SHISA9: variants seen among roughly 807,000 people sequenced by gnomAD.
The protein encoded by SHISA9 is protein shisa-9.
In SHISA9, 13 loss-of-function variants were observed where a neutral mutation model predicts 38.0. That is an observed-to-expected ratio of 0.34 (90% CI 0.22 to 0.54). SHISA9 has a LOEUF of 0.54. Among genes scored for constraint, SHISA9 ranks in the 20% least tolerant of loss-of-function variants. The pLI, the probability that SHISA9 is intolerant of heterozygous loss-of-function variation, is 0.91. For missense variants in SHISA9, 538 were observed against 575.8 expected (o/e 0.93, Z 0.67); for synonymous variants, 275 against 242.0 (o/e 1.14, Z -1.27).
chr16:13,398,935 A>G, the SHISA9 span, among the ~76,000 whole-genome samples: 4 of 152,154 alleles, frequency 2.6e-5, no homozygotes, highest in African/African-American at 9.7e-5. Flanking sequence ...GCAAATATCA[A>G]TTGAGTGCCA....
chr16:13,216,997 C>T (rs910373184), intron 4 of SHISA9, among the ~76,000 whole-genome samples: 2 of 151,942 alleles, frequency 1.3e-5, no homozygotes, highest in East Asian at 1.9e-4. Context: ...CTGGGCTGGG[C>T]GCGGTGGCTC....
In SHISA9 at chr16:13,091,128, C is replaced by A. The variant is rs145727934; in HGVS notation, c.692-112266C>A. ...CTTTAAGAATGTTGAATATTGGCCC[C>A]CACTCTCTTCTGGCTTGCACGGTTT... is the stretch of plus-strand genomic sequence containing the variant. On this transcript the variant is annotated intron_variant, in intron 2 of 4. Transcript: ENST00000558583. 6.1e-3 allele frequency among the ~76,000 whole-genome samples: 936 copies of A among 152,234 alleles called. 9 individuals are homozygous for A. The highest frequency in any genetic ancestry group is 0.021 in the African/African-American group (885 of 41,528).
chr16:13,396,994 G>A, the SHISA9 span, among the ~76,000 whole-genome samples: 1 of 151,942 alleles, frequency 6.6e-6, no homozygotes, highest in African/African-American at 2.4e-5. Context: ...TCCTCCTCCT[G>A]CTTATACTCC....
chr16:13,310,139 C>T, the SHISA9 span, among the ~76,000 whole-genome samples: 1 of 152,164 alleles, frequency 6.6e-6, no homozygotes, highest in African/African-American at 2.4e-5. Context: ...CCACCTGCCT[C>T]GGCCTCCCAT....
In SHISA9 at chr16:12,998,710, T is replaced by G. The variant is rs113557023; in HGVS notation, c.691+81895T>G. Among the ~76,000 whole-genome samples the G allele has an allele frequency of 7.9e-3, 1,200 of 152,278 alleles. 9 individuals are homozygous for G. The highest frequency in any genetic ancestry group is 0.024 in the Middle Eastern group (7 of 294). ...CATGCTTGACTAATTTTAATTTTAT[T>G]TATTTATTTTTTATAGAGATGAGGT... On this transcript the variant is annotated intron_variant, in intron 2 of 4. Transcript: ENST00000558583.
At chr16:13,451,620 C>A in the SHISA9 span, among the ~76,000 whole-genome samples, 4 of 152,170 alleles carry the variant, frequency 2.6e-5, no homozygotes, top group African/African-American at 9.6e-5. Flanking sequence ...ACATAAAGGG[C>A]AAGAGAGAGA....
At chr16:13,379,805 G>A in the SHISA9 span, among the ~76,000 whole-genome samples, 1 of 152,020 alleles carries the variant, frequency 6.6e-6, no homozygotes, top group Non-Finnish European at 1.5e-5. Flanking sequence ...ATGTGGTTCT[G>A]GGGATTAAAG....
intron 2 of SHISA9, among the ~76,000 whole-genome samples, chr16:13,157,897 C>T (rs2050561185): frequency 6.6e-6 from 1 of 152,212 alleles, no homozygotes; most frequent in African/African-American, 2.4e-5. Context: ...GCTCAGGAAG[C>T]CTCAGCTCCA....
chr16:13,004,258 AAAGGGAC>A (rs2072566818), intron 2 of SHISA9, among the ~76,000 whole-genome samples: 1 of 152,210 alleles, frequency 6.6e-6, no homozygotes, highest in Non-Finnish European at 1.5e-5. Context: ...GGATCCAAAA[AAAGGGAC>A]ATGATGTAGT....
At chr16:13,416,803 A>AG in the SHISA9 span, among the ~76,000 whole-genome samples, 6 of 149,576 alleles carry the variant, frequency 4.0e-5, no homozygotes, top group Non-Finnish European at 6.0e-5. Context: ...GAAGGAAGGA[A>AG]GGAAGGAAGG....
intron 2 of SHISA9, among the ~76,000 whole-genome samples, chr16:13,058,751 TTGTG>T (rs57415975): frequency 0.04 from 5,737 of 144,882 alleles, 155 homozygotes; most frequent in African/African-American, 0.066. Flanking sequence ...TGTGGTGTAT[TTGTG>T]TGTGTGTGTG....
At chr16:12,958,679 A>C (rs144079776) in intron 2 of SHISA9, among the ~76,000 whole-genome samples, 3 of 152,260 alleles carry the variant, frequency 2.0e-5, no homozygotes, top group African/African-American at 7.2e-5. Context: ...AGCCCTTTTC[A>C]TCTGTTGTTC....
At chr16:13,050,197 G>A (rs1314199514) in intron 2 of SHISA9, among the ~76,000 whole-genome samples, 1 of 151,936 alleles carries the variant, frequency 6.6e-6, no homozygotes, top group East Asian at 1.9e-4. Context: ...ATTGAGATAT[G>A]GATGTAGATA....
chr16:13,466,886 T>C, the SHISA9 span, among the ~76,000 whole-genome samples: 2 of 152,218 alleles, frequency 1.3e-5, no homozygotes, highest in African/African-American at 4.8e-5. Context: ...AGTTATAGGA[T>C]ATCAGGAGAA....
chr16:13,433,030 A>G, the SHISA9 span, among the ~76,000 whole-genome samples: 1 of 152,148 alleles, frequency 6.6e-6, no homozygotes, highest in Non-Finnish European at 1.5e-5. Flanking sequence ...AAGTTTAGCT[A>G]AGTAACATAC....
At chr16:13,270,104 A>G in the SHISA9 span, among the ~76,000 whole-genome samples, 1 of 152,190 alleles carries the variant, frequency 6.6e-6, no homozygotes, top group Non-Finnish European at 1.5e-5. Context: ...ACATGGAGCA[A>G]TGCCCTGCCT....
rs1275913324 is a variant in SHISA9 at position 13,238,923 on chromosome 16, G to A, written c.*3514G>A. 1 of 149,948 alleles carries A rather than the reference G, an allele frequency of 6.7e-6. No individual in the cohort carries two copies. Among genetic ancestry groups the A allele is most frequent in the Admixed American group, 6.7e-5 (1 of 15,034 alleles). The allele number at this position is 149,948 out of a possible 1,614,324, so 9.3% of individuals were successfully genotyped here. A position where few individuals can be genotyped will look rare whatever the true frequency, so the allele number is the denominator to read the frequency against. ...ATATGTATACACGTGTCATGCTGGT[G>A]TGCTGCACCCATTAACTCGTCATTT... On this transcript the variant is annotated 3_prime_UTR_variant, in exon 5 of 5. Transcript: ENST00000558583.
the SHISA9 span, among the ~76,000 whole-genome samples, chr16:13,321,275 A>G: frequency 3.3e-5 from 5 of 152,336 alleles, no homozygotes; most frequent in South Asian, 8.3e-4. Flanking sequence ...ATGTCCCAGT[A>G]TGACTTTCTC....
chr16:13,462,753 G>A, the SHISA9 span, among the ~76,000 whole-genome samples: 50,451 of 151,852 alleles, frequency 0.33, 8,660 homozygotes, highest in South Asian at 0.53. Context: ...CCTGAAGTCA[G>A]AAGTTCGAGA....
Sources: gnomAD v4.1 joint callset for allele counts (sites outside exome capture counted in the v4.1 genomes callset) on GRCh38, gnomAD v4.1.1 for gene constraint, MANE v1.5 for transcripts, NCBI Gene and HGNC (gene_info 2026-07-23, HGNC 2026-07-21) for gene names.